Variants in ARHGAP22 observed in about 807,000 individuals in gnomAD.
ARHGAP22 encodes Rho GTPase activating protein 22, also known as rho GTPase-activating protein 22.
ARHGAP22 carries 48 observed loss-of-function variants against 59.1 expected under a neutral mutation model. The ratio of observed to expected loss-of-function variants is 0.81; its 90% CI spans 0.64 to 1.03. The LOEUF (loss-of-function observed/expected upper bound fraction) is 1.03. Among genes scored for constraint, ARHGAP22 ranks in the 50% least tolerant of loss-of-function variants. ARHGAP22 has a pLI of 0.00. For missense variants in ARHGAP22, 1,015 were observed against 958.7 expected, an observed-to-expected ratio of 1.06 and a Z score of -0.78; for synonymous variants, 445 against 416.4, an observed-to-expected ratio of 1.07 and a Z score of -0.84.
At chr10:48,655,072 CT>C (rs373802787), upstream of ARHGAP22, among the ~76,000 whole-genome samples, 35 of 37,984 alleles carry the variant, frequency 9.2e-4, 2 homozygotes, top group African/African-American at 2.0e-3. Flanking sequence ...TTCCCTCCTT[CT>C]CTTCTCTTCT....
At chr10:48,654,931 TTCTC>T (rs369000523), upstream of ARHGAP22, among the ~76,000 whole-genome samples, 82 of 127,236 alleles carry the variant, frequency 6.4e-4, no homozygotes, top group Non-Finnish European at 1.2e-3. Flanking sequence ...TTCTCTCTGT[TTCTC>T]TCTCTCTTTC....
chr10:48,582,212 C>T (rs2059159859), intron 2 of ARHGAP22, among the ~76,000 whole-genome samples: 1 of 152,198 alleles, frequency 6.6e-6, no homozygotes, highest in Non-Finnish European at 1.5e-5. Context: ...CTGACTTGGA[C>T]CCATGACTAG....
At chr10:48,545,049 G>A (rs1358795241) in intron 3 of ARHGAP22, among the ~76,000 whole-genome samples, 1 of 152,186 alleles carries the variant, frequency 6.6e-6, no homozygotes, top group Non-Finnish European at 1.5e-5. Flanking sequence ...ATTACATATT[G>A]AAATGATAGT....
intron 3 of ARHGAP22, among the ~76,000 whole-genome samples, chr10:48,539,323 G>A (rs368665406): frequency 2.3e-5 from 3 of 133,226 alleles, no homozygotes; most frequent in Non-Finnish European, 4.6e-5. Context: ...ACGGAGTCTC[G>A]CTCTGTCGCC....
chr10:48,446,582 A>T lies in ARHGAP22; in HGVS notation c.1906T>A (p.Ser636Thr). The change falls in exon 10 of 10, where the codon TCC becomes ACC. Residue 636 changes from serine (S) to threonine (T), a missense_variant. Coordinates refer to ENST00000249601, the MANE Select transcript of ARHGAP22 (RefSeq NM_021226.4). ...TGGTCCAGTTCTTCTTCTAACCGGG[A>T]CATTCGTTTTCTCAGGTCAGCACTC... ...EGSADLRKRM[S>T]RLEEELDQEK... 1.2e-6 allele frequency: 2 copies of T among 1,614,238 alleles called. No homozygotes were observed. The highest frequency in any genetic ancestry group is 1.7e-6 in the Non-Finnish European group (2 of 1,180,046).
intron 2 of ARHGAP22, among the ~76,000 whole-genome samples, chr10:48,567,237 T>TG (rs2058101407): frequency 6.6e-6 from 1 of 152,212 alleles, no homozygotes; most frequent in African/African-American, 2.4e-5. Context: ...ACCCTGTGGT[T>TG]GAGGCTGCAC....
At chr10:48,535,258 A>G (rs1014231240) in intron 3 of ARHGAP22, among the ~76,000 whole-genome samples, 4 of 152,234 alleles carry the variant, frequency 2.6e-5, no homozygotes, top group Non-Finnish European at 5.9e-5. Flanking sequence ...CTGCTCTAAC[A>G]GCTCCCAAAT....
In ARHGAP22 at chr10:48,494,362, C is replaced by A. The variant is rs150937929; in HGVS notation, c.323-14598G>T. Reference sequence around the variant, plus strand: ...AAGCAGCTCCTTCACCTAGCCTGGTCTCCTCTCCTCCAGCAGCAGTCGCCC... The same window carrying A: ...AAGCAGCTCCTTCACCTAGCCTGGTATCCTCTCCTCCAGCAGCAGTCGCCC... On this transcript the variant is annotated intron_variant, in intron 3 of 9. Transcript: ENST00000249601. 1.0e-3 allele frequency among the ~76,000 whole-genome samples: 159 copies of A among 152,292 alleles called. 1 individual carries two copies. Among genetic ancestry groups the A allele is most frequent in the African/African-American group, 3.6e-3 (150 of 41,558 alleles).
chr10:48,563,232 G>C (rs10776617), intron 2 of ARHGAP22, among the ~76,000 whole-genome samples: 142,452 of 145,026 alleles, frequency 0.98, 69,998 homozygotes, highest in Middle Eastern at 1. Flanking sequence ...CTTGCTCTGT[G>C]CCCCAGGCTG....
intron 2 of ARHGAP22, among the ~76,000 whole-genome samples, chr10:48,582,330 C>G (rs1055975909): frequency 6.6e-6 from 1 of 152,258 alleles, no homozygotes; most frequent in African/African-American, 2.4e-5. Context: ...CCAAGTGCTT[C>G]TGGCCCAGGT....
Position 48,604,880 on chromosome 10 carries a change from C to T in ARHGAP22, c.-84G>A, listed in dbSNP as rs1016491135. ...TTGCTCGTCCTCGCGCCTAGTCGCC[C>T]CTCATGTCCTGCTCGTTCGGGGCCC... On this transcript the variant is annotated 5_prime_UTR_variant, in exon 1 of 10. Coordinates refer to ENST00000249601, the MANE Select transcript of ARHGAP22 (RefSeq NM_021226.4). 7 of 1,605,468 alleles carry T rather than the reference C, an allele frequency of 4.4e-6. No individual in the cohort carries two copies. In the East Asian group the frequency reaches 1.6e-4, roughly 36 times the overall value.
chr10:48,581,535 A>G (rs1162378907), intron 2 of ARHGAP22, among the ~76,000 whole-genome samples: 1 of 152,238 alleles, frequency 6.6e-6, no homozygotes, highest in African/African-American at 2.4e-5. Context: ...GCTGGACAAC[A>G]TCAGGGTTTT....
At chr10:48,589,068 G>A (rs886465088) in intron 1 of ARHGAP22, among the ~76,000 whole-genome samples, 79 of 152,240 alleles carry the variant, frequency 5.2e-4, no homozygotes, top group African/African-American at 1.8e-3. Context: ...TTGCTGACAG[G>A]CACATCTTGA....
Position 48,454,082 on chromosome 10 carries a change from G to T in ARHGAP22, c.866+6C>A, listed in dbSNP as rs770282230. 1 of 1,613,596 alleles carries T rather than the reference G, an allele frequency of 6.2e-7. No homozygotes were observed. Among genetic ancestry groups the T allele is most frequent in the Non-Finnish European group, 8.5e-7 (1 of 1,179,696 alleles). ...AAGTGTGGTTCCCTCCTGCCAAGCC[G>T]CTTACTTGCAGATGTATCTGAGCAG... is the stretch of plus-strand genomic sequence containing the variant. On this transcript the variant is annotated splice_donor_region_variant and intron_variant, in intron 7 of 9. Coordinates refer to ENST00000249601, the MANE Select transcript of ARHGAP22 (RefSeq NM_021226.4).
chr10:48,500,783 C>T (rs554355765), intron 3 of ARHGAP22, among the ~76,000 whole-genome samples: 5 of 151,236 alleles, frequency 3.3e-5, no homozygotes, highest in South Asian at 2.1e-4. Context: ...CCTAGCTACT[C>T]GGGAGGCTGA....
chr10:48,559,698 T>A (rs968257791), intron 2 of ARHGAP22, among the ~76,000 whole-genome samples: 2 of 152,210 alleles, frequency 1.3e-5, no homozygotes, highest in Non-Finnish European at 2.9e-5. Flanking sequence ...CTTGTTAACA[T>A]CCCTTATCCA....
chr10:48,570,849 G>A (rs2058351842), intron 2 of ARHGAP22, among the ~76,000 whole-genome samples: 1 of 152,202 alleles, frequency 6.6e-6, no homozygotes, highest in Non-Finnish European at 1.5e-5. Context: ...CCCAATAGTG[G>A]AGCCAGGGTT....
intron 3 of ARHGAP22, among the ~76,000 whole-genome samples, chr10:48,509,711 T>C (rs2052554896): frequency 6.6e-6 from 1 of 152,152 alleles, no homozygotes; most frequent in Admixed American, 6.5e-5. Flanking sequence ...AGAAGGTTAT[T>C]GGAAAGGAGA....
At chr10:48,598,904 G>C (rs547469090) in intron 1 of ARHGAP22, among the ~76,000 whole-genome samples, 1 of 152,214 alleles carries the variant, frequency 6.6e-6, no homozygotes, top group Non-Finnish European at 1.5e-5. Flanking sequence ...GTGAAGGCAC[G>C]CACTATATGT....
Sources: gnomAD v4.1 joint callset for allele counts (sites outside exome capture counted in the v4.1 genomes callset) on GRCh38, gnomAD v4.1.1 for gene constraint, MANE v1.5 for transcripts, NCBI Gene and HGNC (gene_info 2026-07-23, HGNC 2026-07-21) for gene names.